Variants in CNTN5 observed in about 807,000 individuals in gnomAD.
CNTN5 encodes the protein contactin-5.
CNTN5 carries 77 observed loss-of-function variants against 129.1 expected under a neutral mutation model. The observed-to-expected ratio is 0.60, with a 90% CI of 0.50 to 0.72. CNTN5 has a LOEUF of 0.72. Among genes scored for constraint, CNTN5 ranks in the 30% least tolerant of loss-of-function variants. CNTN5 has a pLI of 0.00. For missense variants in CNTN5, 1,478 were observed against 1,328.8 expected (o/e 1.11, Z -1.75); for synonymous variants, 509 against 465.6 (o/e 1.09, Z -1.20).
chr11:99,214,781 AT>A, intron 1 of CNTN5, among the ~76,000 whole-genome samples: 1 of 152,240 alleles, frequency 6.6e-6, no homozygotes, highest in African/African-American at 2.4e-5. Context: ...TCAATAAGTC[AT>A]TTAACAAGGA....
chr11:99,928,051 A>G (rs1292793586), intron 7 of CNTN5, among the ~76,000 whole-genome samples: 1 of 152,200 alleles, frequency 6.6e-6, no homozygotes, highest in Admixed American at 6.5e-5. Flanking sequence ...TAGAGGCCCC[A>G]TGCAAGTCCT....
intron 2 of CNTN5, among the ~76,000 whole-genome samples, chr11:99,498,506 C>G (rs7127856): frequency 6.6e-6 from 1 of 151,934 alleles, no homozygotes; most frequent in African/African-American, 2.4e-5. Context: ...CTCCATTTTC[C>G]TCTCCCTAAC....
intron 3 of CNTN5, among the ~76,000 whole-genome samples, chr11:99,650,812 A>C (rs1952127149): frequency 6.6e-6 from 1 of 151,964 alleles, no homozygotes; most frequent in Non-Finnish European, 1.5e-5. Context: ...TATGGGGTAC[A>C]TGGTGATGCT....
rs147540003 is a variant in CNTN5, at chr11:99,858,427, A to G, written c.577+13165A>G. 3.8e-3 allele frequency among the ~76,000 whole-genome samples: 573 copies of G among 152,180 alleles called. 2 individuals are homozygous for G. The highest frequency in any genetic ancestry group is 0.011 in the African/African-American group (476 of 41,570). ...ATTGTATAATGTCTGGTATGGAACT[A>G]GGATGTTTATTAAAGAAAATCTCTA... is the stretch of plus-strand genomic sequence containing the variant. On this transcript the variant is annotated intron_variant, in intron 6 of 24. Coordinates refer to ENST00000524871, the MANE Select transcript of CNTN5 (RefSeq NM_014361.4).
intron 2 of CNTN5, among the ~76,000 whole-genome samples, chr11:99,394,129 G>A (rs942925698): frequency 7.9e-5 from 12 of 151,560 alleles, no homozygotes; most frequent in African/African-American, 2.9e-4. Context: ...ATAATGAAAC[G>A]TATTCCTCAG....
intron 1 of CNTN5, among the ~76,000 whole-genome samples, chr11:99,065,733 C>G (rs570751278): frequency 3.3e-4 from 49 of 150,218 alleles, no homozygotes; most frequent in Non-Finnish European, 6.0e-4. Context: ...ACACAGAGGC[C>G]TCATTAGAGT....
chr11:100,150,077 A>C (rs915478263), intron 13 of CNTN5, among the ~76,000 whole-genome samples: 1 of 152,158 alleles, frequency 6.6e-6, no homozygotes, highest in Non-Finnish European at 1.5e-5. Flanking sequence ...ATTTAGTCTC[A>C]AACATTTATG....
intron 3 of CNTN5, among the ~76,000 whole-genome samples, chr11:99,563,660 G>T (rs147389913): frequency 6.6e-6 from 1 of 152,102 alleles, no homozygotes; most frequent in East Asian, 1.9e-4. Flanking sequence ...TACCCATGAC[G>T]CACTTGATGG....
intron 2 of CNTN5, among the ~76,000 whole-genome samples, chr11:99,410,094 A>AT (rs2135003652): frequency 6.6e-6 from 1 of 152,318 alleles, no homozygotes. Flanking sequence ...TGCAAAACAT[A>AT]TTTATAAGAT....
At chr11:99,101,213 A>T (rs765050897) in intron 1 of CNTN5, among the ~76,000 whole-genome samples, 1 of 152,176 alleles carries the variant, frequency 6.6e-6, no homozygotes, top group Non-Finnish European at 1.5e-5. Flanking sequence ...CACCCCCATG[A>T]TTCAGTTATC....
Position 99,047,749 on chromosome 11 carries a change from G to T in CNTN5, c.-210+26479G>T, listed in dbSNP as rs150815129. On this transcript the variant is annotated intron_variant, in intron 1 of 24. Transcript: ENST00000524871. ...TAACACCTCCACAAATGATAGCACGGACTGACATTTTCACAGCTCATATAC... is the reference window on the plus strand; with the variant it reads ...TAACACCTCCACAAATGATAGCACGTACTGACATTTTCACAGCTCATATAC... Among the ~76,000 whole-genome samples, 19 of 152,122 alleles carry T rather than the reference G, an allele frequency of 1.2e-4. No homozygotes were observed. In the East Asian group the frequency reaches 3.3e-3, roughly 26 times the overall value.
intron 3 of CNTN5, among the ~76,000 whole-genome samples, chr11:99,798,638 C>T (rs1398358438): frequency 6.6e-6 from 1 of 152,048 alleles, no homozygotes; most frequent in African/African-American, 2.4e-5. Flanking sequence ...TCTGTTTTTA[C>T]ATCAGTACCA....
chr11:100,112,100 G>A (rs1031841154), intron 13 of CNTN5, among the ~76,000 whole-genome samples: 2 of 152,160 alleles, frequency 1.3e-5, no homozygotes, highest in African/African-American at 4.8e-5. Context: ...GTGGCCATAT[G>A]ACGTGCTTTA....
In CNTN5 at chr11:100,114,311, G is replaced by T. The variant is rs1945766444; in HGVS notation, c.1580+40017G>T. Among the ~76,000 whole-genome samples, 3 of 152,066 alleles carry T rather than the reference G, an allele frequency of 2.0e-5. No homozygotes were observed. The South Asian group carries it at 6.2e-4, about 31-fold the overall frequency. ...AATTCTATACCTAGAAGCTGTCATTGATCTGGCACTGATATACATATATAG... is the reference window on the plus strand; with the variant it reads ...AATTCTATACCTAGAAGCTGTCATTTATCTGGCACTGATATACATATATAG... On this transcript the variant is annotated intron_variant, in intron 13 of 24. Coordinates refer to ENST00000524871, the MANE Select transcript of CNTN5 (RefSeq NM_014361.4).
At chr11:99,173,700 A>G (rs1477653667) in intron 1 of CNTN5, among the ~76,000 whole-genome samples, 5 of 152,236 alleles carry the variant, frequency 3.3e-5, no homozygotes, top group Admixed American at 6.5e-5. Flanking sequence ...AGAAGACATT[A>G]GGGTATGTCA....
intron 1 of CNTN5, among the ~76,000 whole-genome samples, chr11:99,118,876 CTAA>C (rs1565331797): frequency 4.0e-5 from 6 of 149,796 alleles, no homozygotes; most frequent in Non-Finnish European, 8.9e-5. Context: ...TATGAAATAT[CTAA>C]ATATATTTAG....
chr11:99,459,894 T>C (rs113302230), intron 2 of CNTN5, among the ~76,000 whole-genome samples: 669 of 152,000 alleles, frequency 4.4e-3, no homozygotes, highest in Middle Eastern at 0.014. Flanking sequence ...ATATCTGGAG[T>C]GAGACATAGG....
intron 21 of CNTN5, among the ~76,000 whole-genome samples, chr11:100,318,264 A>AC (rs1388371281): frequency 1.3e-5 from 2 of 148,230 alleles, no homozygotes; most frequent in Non-Finnish European, 3.0e-5. Flanking sequence ...AAAAAAAAAA[A>AC]GTCTCATTTT....
chr11:100,081,959 A>G (rs1424259021), intron 13 of CNTN5, among the ~76,000 whole-genome samples: 1 of 152,224 alleles, frequency 6.6e-6, no homozygotes, highest in African/African-American at 2.4e-5. Context: ...AATATTGCCA[A>G]TTGGCAAAAA....
Sources: gnomAD v4.1 joint callset for allele counts (sites outside exome capture counted in the v4.1 genomes callset) on GRCh38, gnomAD v4.1.1 for gene constraint, MANE v1.5 for transcripts, NCBI Gene and HGNC (gene_info 2026-07-23, HGNC 2026-07-21) for gene names.